SNX7: variants seen among roughly 807,000 people sequenced by gnomAD.
SNX7 encodes sorting nexin-7.
Under a neutral mutation model 48.4 loss-of-function variants are expected in SNX7, and 35 were observed. The observed-to-expected ratio is 0.72, with a 90% confidence interval of 0.55 to 0.96. The LOEUF (loss-of-function observed/expected upper bound fraction) is 0.96, where lower values mean the gene tolerates loss of function less well. SNX7 is among the 40% of genes least tolerant of loss of function. The pLI is 0.00. For missense variants in SNX7, 553 were observed against 548.9 expected (o/e 1.01, Z -0.07); for synonymous variants, 190 against 190.2 (o/e 1.00, Z 0.01).
rs182620747 is a variant in SNX7, at chr1:98,728,288, G to A, written c.1126-9949G>A. On this transcript the variant is annotated intron_variant, in intron 7 of 8. Transcript: ENST00000306121. ...AGAATCTCATATCTGGCCAAACTAAGCTTCATAAGTGAAGGAGAAATAAAA... is the reference window on the plus strand; with the variant it reads ...AGAATCTCATATCTGGCCAAACTAAACTTCATAAGTGAAGGAGAAATAAAA... Among the ~76,000 whole-genome samples, 93 of 152,254 alleles carry A rather than the reference G, an allele frequency of 6.1e-4. 1 individual carries two copies. The highest frequency in any genetic ancestry group is 6.8e-3 in the Middle Eastern group (2 of 294).
At chr1:98,715,029 A>G (rs1025648840) in intron 7 of SNX7, among the ~76,000 whole-genome samples, 1 of 152,216 alleles carries the variant, frequency 6.6e-6, no homozygotes, top group African/African-American at 2.4e-5. Context: ...TGTGTTTCTT[A>G]CAAACAAGAA....
At chr1:98,723,189 C>G (rs1227026156) in intron 7 of SNX7, among the ~76,000 whole-genome samples, 2 of 152,124 alleles carry the variant, frequency 1.3e-5, no homozygotes, top group African/African-American at 4.8e-5. Flanking sequence ...AAAAGAACAA[C>G]AACCCTGCTT....
chr1:98,715,329 G>A (rs925585761), intron 7 of SNX7, among the ~76,000 whole-genome samples: 5 of 152,084 alleles, frequency 3.3e-5, no homozygotes, highest in African/African-American at 1.2e-4. Flanking sequence ...TCACTTAAGT[G>A]TTACTGTGAT....
chr1:98,713,092 A>AG (rs1047862527), intron 7 of SNX7, among the ~76,000 whole-genome samples: 3 of 134,426 alleles, frequency 2.2e-5, no homozygotes, highest in Admixed American at 7.5e-5. Context: ...ACTCTGTCTC[A>AG]GGAAAAAAAA....
At chr1:98,727,740 A>G (rs1207645829) in intron 7 of SNX7, among the ~76,000 whole-genome samples, 1 of 152,104 alleles carries the variant, frequency 6.6e-6, no homozygotes, top group East Asian at 1.9e-4. Context: ...TCACAATGCA[A>G]CCATAGTATC....
At chr1:98,735,053 A>G (rs1653705440) in intron 7 of SNX7, among the ~76,000 whole-genome samples, 1 of 152,174 alleles carries the variant, frequency 6.6e-6, no homozygotes, top group Non-Finnish European at 1.5e-5. Flanking sequence ...AGGGAACAAT[A>G]AAATACCAGA....
chr1:98,745,247 T>C (rs1654257001), intron 8 of SNX7, among the ~76,000 whole-genome samples: 1 of 151,988 alleles, frequency 6.6e-6, no homozygotes, highest in South Asian at 2.1e-4. Flanking sequence ...TTTTTTATGT[T>C]GGCCATAAAA....
chr1:98,671,022 TA>T (rs1649836553), intron 1 of SNX7, among the ~76,000 whole-genome samples: 2 of 152,222 alleles, frequency 1.3e-5, no homozygotes, highest in African/African-American at 4.8e-5. Flanking sequence ...GTTTTAAAGA[TA>T]AAGTTTTATG....
chr1:98,709,980 G>A (rs896381222), intron 7 of SNX7, among the ~76,000 whole-genome samples: 2 of 152,066 alleles, frequency 1.3e-5, no homozygotes, highest in Non-Finnish European at 2.9e-5. Context: ...AAGAACTAGA[G>A]GTAAAGTATT....
chr1:98,712,686 A>G (rs1652376590), intron 7 of SNX7, among the ~76,000 whole-genome samples: 1 of 152,170 alleles, frequency 6.6e-6, no homozygotes. Flanking sequence ...CTTCAACTTA[A>G]AATCACCAAC....
At chr1:98,742,548 G>A (rs1253567510) in intron 8 of SNX7, among the ~76,000 whole-genome samples, 1 of 151,968 alleles carries the variant, frequency 6.6e-6, no homozygotes, top group Non-Finnish European at 1.5e-5. Flanking sequence ...TTATAATATA[G>A]TTCATTCCTT....
intron 7 of SNX7, among the ~76,000 whole-genome samples, chr1:98,714,781 G>A (rs576807910): frequency 8.5e-5 from 13 of 152,170 alleles, no homozygotes; most frequent in Non-Finnish European, 1.8e-4. Context: ...GCAGCACTAT[G>A]GCATGAGGAC....
chr1:98,694,328 CCACTG>C (rs1159046073), intron 4 of SNX7, among the ~76,000 whole-genome samples: 1 of 150,610 alleles, frequency 6.6e-6, no homozygotes, highest in East Asian at 2.0e-4. Flanking sequence ...CAGGATTGTG[CCACTG>C]CAGTCCAGCC....
rs577172909 is a variant in SNX7, at chr1:98,748,123, T to G, written c.1278+9734T>G. Among the ~76,000 whole-genome samples the G allele has an allele frequency of 2.7e-4, 41 of 152,010 alleles. 1 individual carries two copies. ...TCCTAAGTAACCAAGTAGCTGGGAT[T>G]ACAGGCACCTGCCACCATGCCTGGC... is the stretch of plus-strand genomic sequence containing the variant. On this transcript the variant is annotated intron_variant, in intron 8 of 8. Coordinates refer to ENST00000306121, the MANE Select transcript of SNX7 (RefSeq NM_015976.5).
intron 8 of SNX7, among the ~76,000 whole-genome samples, chr1:98,739,545 A>G (rs1653967775): frequency 6.6e-6 from 1 of 152,200 alleles, no homozygotes; most frequent in Non-Finnish European, 1.5e-5. Flanking sequence ...AGTTACAGCC[A>G]ATGAAGGAAA....
intron 8 of SNX7, among the ~76,000 whole-genome samples, chr1:98,742,457 G>A (rs1654119178): frequency 6.6e-6 from 1 of 151,976 alleles, no homozygotes; most frequent in African/African-American, 2.4e-5. Context: ...TTCTACTAAT[G>A]TTAATTTTTG....
chr1:98,708,310 T>G (rs1013611122), intron 7 of SNX7, among the ~76,000 whole-genome samples: 3 of 152,120 alleles, frequency 2.0e-5, no homozygotes, highest in African/African-American at 7.2e-5. Flanking sequence ...TTCTTGCATA[T>G]TTCCTTTTAT....
chr1:98,689,941 A>G (rs1651023698), intron 2 of SNX7, among the ~76,000 whole-genome samples: 2 of 152,138 alleles, frequency 1.3e-5, no homozygotes, highest in South Asian at 2.1e-4. Context: ...ATTCGCTCCC[A>G]CTTTTTCCCA....
At chr1:98,663,245 TCTTTCTGG>T (rs1409516390) in intron 1 of SNX7, among the ~76,000 whole-genome samples, 1 of 123,984 alleles carries the variant, frequency 8.1e-6, no homozygotes, top group Non-Finnish European at 1.7e-5. Context: ...CATCAGGGTT[TCTTTCTGG>T]TTTTTTTTTT....
Sources: gnomAD v4.1 joint callset for allele counts (sites outside exome capture counted in the v4.1 genomes callset) on GRCh38, gnomAD v4.1.1 for gene constraint, MANE v1.5 for transcripts, NCBI Gene and HGNC (gene_info 2026-07-23, HGNC 2026-07-21) for gene names.